ATG10: variants seen among roughly 807,000 people sequenced by gnomAD.
ATG10 encodes autophagy related 10.
Under a neutral mutation model 32.1 loss-of-function variants are expected in ATG10, and 30 were observed. The ratio of observed to expected loss-of-function variants is 0.94; its 90% CI spans 0.70 to 1.27. The LOEUF is 1.27. Among genes scored for constraint, ATG10 ranks in the 50% most tolerant of loss-of-function variants. The pLI is 0.00. For missense variants in ATG10, 233 were observed against 262.3 expected, an observed-to-expected ratio of 0.89 and a Z score of 0.77; for synonymous variants, 87 against 91.5, an observed-to-expected ratio of 0.95 and a Z score of 0.28.
At chr5:82,251,805 A>G (rs1012644786) in intron 5 of ATG10, among the ~76,000 whole-genome samples, 3 of 152,190 alleles carry the variant, frequency 2.0e-5, no homozygotes, top group African/African-American at 7.2e-5. Context: ...TTGCTTGCCA[A>G]ATGATGTCCA....
intron 3 of ATG10, among the ~76,000 whole-genome samples, chr5:82,086,203 A>G (rs1764685249): frequency 6.6e-6 from 1 of 150,576 alleles, no homozygotes; most frequent in Non-Finnish European, 1.5e-5. Context: ...TCAAGACATT[A>G]TCCTTACTTT....
In ATG10 at chr5:82,192,703, A is replaced by G. The variant is rs911440620; in HGVS notation, c.453+14116A>G. Among the ~76,000 whole-genome samples the G allele has an allele frequency of 3.9e-5, 6 of 152,322 alleles. No homozygotes were observed. In the South Asian group the frequency reaches 1.2e-3, roughly 32 times the overall value. On this transcript the variant is annotated intron_variant, in intron 5 of 7. Coordinates refer to ENST00000282185, the MANE Select transcript of ATG10 (RefSeq NM_031482.5). ...GGGGCACATAGTTGATACTATGAAT[A>G]TTTATTATCATTAATCCATAAATAT...
intron 3 of ATG10, among the ~76,000 whole-genome samples, chr5:82,122,837 T>A (rs1286199121): frequency 6.6e-6 from 1 of 152,090 alleles, no homozygotes; most frequent in African/African-American, 2.4e-5. Context: ...CAGACGGCTG[T>A]TATTAAAAAG....
At chr5:81,994,812 T>C (rs543392503) in intron 2 of ATG10, among the ~76,000 whole-genome samples, 1 of 152,352 alleles carries the variant, frequency 6.6e-6, no homozygotes, top group East Asian at 1.9e-4. Context: ...AATATGTGAA[T>C]TATTAATGTT....
chr5:82,041,748 G>GT (rs1463852818), intron 2 of ATG10, among the ~76,000 whole-genome samples: 1 of 151,532 alleles, frequency 6.6e-6, no homozygotes, highest in East Asian at 1.9e-4. Context: ...CCAATTACAT[G>GT]TTTTTTTAGG....
At chr5:82,000,156 T>C (rs1761807188) in intron 2 of ATG10, among the ~76,000 whole-genome samples, 1 of 152,166 alleles carries the variant, frequency 6.6e-6, no homozygotes, top group Non-Finnish European at 1.5e-5. Context: ...GCAAGGTTGG[T>C]TCAGCATATG....
At chr5:82,171,844 T>C (rs547753973) in intron 4 of ATG10, among the ~76,000 whole-genome samples, 1 of 152,356 alleles carries the variant, frequency 6.6e-6, no homozygotes, top group South Asian at 2.1e-4. Context: ...TGAAAATATT[T>C]ATACATAAGG....
chr5:82,035,497 A>G (rs1429843151), intron 2 of ATG10, among the ~76,000 whole-genome samples: 3 of 152,182 alleles, frequency 2.0e-5, no homozygotes, highest in Non-Finnish European at 4.4e-5. Flanking sequence ...TCAAAAATAA[A>G]TGAATATGCT....
chr5:82,118,621 T>G (rs1765924783), intron 3 of ATG10, among the ~76,000 whole-genome samples: 1 of 151,932 alleles, frequency 6.6e-6, no homozygotes, highest in Non-Finnish European at 1.5e-5. Context: ...ATTTTGGACA[T>G]ATTGAATTGA....
chr5:82,044,836 A>T (rs1221800827), intron 2 of ATG10, among the ~76,000 whole-genome samples: 1 of 152,228 alleles, frequency 6.6e-6, no homozygotes, highest in Admixed American at 6.5e-5. Flanking sequence ...GCTAGGTATC[A>T]GTAGTTTCTT....
In ATG10 at chr5:82,130,004, G is replaced by A. The variant is rs545473521; in HGVS notation, c.217-34395G>A. Among the ~76,000 whole-genome samples the A allele has an allele frequency of 3.3e-5, 5 of 152,294 alleles. No individual in the cohort carries two copies. In the East Asian group the frequency reaches 9.7e-4, roughly 30 times the overall value. ...ATGGGGGTTTCATCTATAAGCCCCTGACTGGGGCTGCTGCCTGTTTTTCAG... is the reference window on the plus strand; with the variant it reads ...ATGGGGGTTTCATCTATAAGCCCCTAACTGGGGCTGCTGCCTGTTTTTCAG... On this transcript the variant is annotated intron_variant, in intron 3 of 7. Transcript: ENST00000282185.
intron 5 of ATG10, among the ~76,000 whole-genome samples, chr5:82,236,790 G>A (rs777068748): frequency 5.9e-5 from 9 of 152,174 alleles, no homozygotes; most frequent in African/African-American, 1.7e-4. Context: ...GTCAACAGGG[G>A]CAGCTAGAGT....
chr5:82,111,593 G>T (rs953782553), intron 3 of ATG10: 1 of 151,726 alleles, frequency 6.6e-6, no homozygotes, highest in African/African-American at 2.4e-5. Context: ...TTTTAATGTT[G>T]TAAACATAAG....
chr5:82,199,288 C>CTTGTCTCACAAATTTCTTGGTAGAAT (rs1744976624), intron 5 of ATG10, among the ~76,000 whole-genome samples: 1 of 152,160 alleles, frequency 6.6e-6, no homozygotes, highest in Non-Finnish European at 1.5e-5. Flanking sequence ...AATTTGTGTG[C>CTTGTCTCACAAATTTCTTGGTAGAAT]TTGTGAGAGA....
At chr5:82,132,345 C>T (rs915904973) in intron 3 of ATG10, among the ~76,000 whole-genome samples, 4 of 151,792 alleles carry the variant, frequency 2.6e-5, no homozygotes, top group African/African-American at 9.7e-5. Context: ...TGGTGGTTTG[C>T]TGCACTCATC....
intron 2 of ATG10, among the ~76,000 whole-genome samples, chr5:82,003,826 A>T (rs1396455979): frequency 2.0e-5 from 3 of 152,158 alleles, no homozygotes; most frequent in African/African-American, 7.2e-5. Flanking sequence ...TTCTCCCACA[A>T]TTTTATCTAA....
chr5:82,102,627 G>T (rs931317948), intron 3 of ATG10, among the ~76,000 whole-genome samples: 5 of 152,158 alleles, frequency 3.3e-5, no homozygotes, highest in Non-Finnish European at 4.4e-5. Context: ...ACACTGTTGA[G>T]TTGGGCTCTT....
intron 2 of ATG10, among the ~76,000 whole-genome samples, chr5:82,029,839 A>G (rs908052253): frequency 3.9e-5 from 6 of 152,214 alleles, no homozygotes; most frequent in African/African-American, 1.4e-4. Context: ...ATTACTTTGT[A>G]CTAGGATCTA....
At chr5:81,999,581 C>A (rs1383756584) in intron 2 of ATG10, among the ~76,000 whole-genome samples, 1 of 151,976 alleles carries the variant, frequency 6.6e-6, no homozygotes, top group Admixed American at 6.6e-5. Flanking sequence ...TACAAAAGAT[C>A]AGCAAATCTA....
Sources: allele counts gnomAD v4.1 joint callset (sites outside exome capture counted in the v4.1 genomes callset), GRCh38; gene constraint gnomAD v4.1.1; transcripts MANE v1.5; gene names NCBI Gene and HGNC (gene_info 2026-07-23, HGNC 2026-07-21).